Variants in PTPRN2 observed in about 807,000 individuals in gnomAD.
The protein encoded by PTPRN2 is receptor-type tyrosine-protein phosphatase N2.
In PTPRN2, 74 loss-of-function variants were observed where a neutral mutation model predicts 118.8. The observed-to-expected ratio is 0.62, with a 90% CI of 0.52 to 0.76. The LOEUF is 0.76. Ranked by LOEUF, PTPRN2 falls within the 30% of genes least tolerant of loss-of-function variation. PTPRN2 has a pLI of 0.00. For missense variants in PTPRN2, 1,481 were observed against 1,394.4 expected (o/e 1.06, Z -0.99); for synonymous variants, 641 against 608.0 (o/e 1.05, Z -0.80).
Position 157,961,365 on chromosome 7 carries a change from C to T in PTPRN2, c.1724-62628G>A, listed in dbSNP as rs183543058. ...TGGCCAACAGGGTGAAGACCCATCT[C>T]TACTGAAAATCAAAAAAATTAGCTG... On this transcript the variant is annotated intron_variant, in intron 11 of 22. Transcript: ENST00000389418. 2.0e-4 allele frequency among the ~76,000 whole-genome samples: 30 copies of T among 152,162 alleles called. 2 individuals are homozygous for T. In the East Asian group the frequency reaches 4.3e-3, roughly 22 times the overall value.
intron 11 of PTPRN2, among the ~76,000 whole-genome samples, chr7:158,045,320 TA>T (rs945387687): frequency 3.3e-5 from 5 of 152,200 alleles, no homozygotes; most frequent in African/African-American, 9.7e-5. Flanking sequence ...AATTTTTTAT[TA>T]AAAAAGTAAT....
intron 2 of PTPRN2, among the ~76,000 whole-genome samples, chr7:158,374,477 G>A (rs1011938385): frequency 3.3e-5 from 5 of 152,204 alleles, no homozygotes; most frequent in Admixed American, 6.5e-5. Context: ...ACACTAGCCC[G>A]AGAGAAACAA....
intron 5 of PTPRN2, among the ~76,000 whole-genome samples, chr7:158,186,103 C>T (rs1215554418): frequency 6.6e-6 from 1 of 152,216 alleles, no homozygotes; most frequent in Admixed American, 6.5e-5. Flanking sequence ...TCGCTTTGCA[C>T]AGCCTGTCTC....
intron 2 of PTPRN2, among the ~76,000 whole-genome samples, chr7:158,454,808 T>G (rs1433175740): frequency 6.6e-6 from 1 of 152,174 alleles, no homozygotes; most frequent in Non-Finnish European, 1.5e-5. Flanking sequence ...GAGCCTCTTT[T>G]GGCCACTCTG....
At chr7:158,144,982 G>T in intron 6 of PTPRN2, among the ~76,000 whole-genome samples, 1 of 143,766 alleles carries the variant, frequency 7.0e-6, no homozygotes, top group Non-Finnish European at 1.5e-5. Flanking sequence ...GAAGGTTCCA[G>T]AATACCACGG....
At position 158,316,912 on chromosome 7, in the gene PTPRN2, G is replaced by C; in HGVS notation, c.184C>G (p.Gln62Glu). Residue 62 changes from glutamine to glutamate, a missense_variant, in exon 3 of 23, where the codon CAG (glutamine) becomes GAG (glutamate). By Grantham distance (29) the Gln-to-Glu change is conservative. Around this residue, in one of 3 missense-constraint regions of PTPRN2, gnomAD observed 1,115 missense variants for 994.2 expected, o/e 1.12. Transcript: ENST00000389418. ...CVNDGVFGRC[Q>E]KVPAMDFYRY... ...TAAAAGTCCATTGCCGGAACCTTCT[G>C]GCACCTTCCAAACACTCCATCTGTG... 2 of 1,612,706 alleles carry C rather than the reference G, an allele frequency of 1.2e-6. No homozygotes were observed. The highest frequency in any genetic ancestry group is 1.3e-5 in the African/African-American group (1 of 75,058).
chr7:158,468,345 C>G (rs1405105700), intron 2 of PTPRN2, among the ~76,000 whole-genome samples: 2 of 152,222 alleles, frequency 1.3e-5, no homozygotes, highest in Non-Finnish European at 2.9e-5. Context: ...CAAAGCACAG[C>G]TGGCGTTTCA....
intron 6 of PTPRN2, among the ~76,000 whole-genome samples, chr7:158,157,648 C>A (rs1233769335): frequency 6.6e-6 from 1 of 152,258 alleles, no homozygotes; most frequent in Non-Finnish European, 1.5e-5. Context: ...CGCTGCCACC[C>A]CGCACTGGGC....
chr7:157,881,743 TAA>T lies in PTPRN2; in HGVS notation c.1788+16928_1788+16929del, dbSNP rs34531048. 4.2e-4 allele frequency among the ~76,000 whole-genome samples: 62 copies of T among 146,546 alleles called. 1 individual carries two copies. Among genetic ancestry groups the T allele is most frequent in the South Asian group, 8.7e-4 (4 of 4,620 alleles). ...TGTTCTTTTTGCTTTATGATCTCATTAAAAAAAAAAAAATAGATTGGCACTTC... is the reference window on the plus strand; with the variant it reads ...TGTTCTTTTTGCTTTATGATCTCATTAAAAAAAAAAATAGATTGGCACTTC... On this transcript the variant is annotated intron_variant, in intron 12 of 22. Coordinates refer to ENST00000389418, the MANE Select transcript of PTPRN2 (RefSeq NM_002847.5). This position sits in a 1 kb window ranked among gnomAD's most constrained non-coding sequence, Gnocchi z 4.7.
intron 14 of PTPRN2, among the ~76,000 whole-genome samples, chr7:157,634,515 G>A (rs1294782097): frequency 6.6e-6 from 1 of 152,190 alleles, no homozygotes; most frequent in African/African-American, 2.4e-5. Context: ...TGATGTGCTT[G>A]TCCACAGATG....
At chr7:157,593,543 T>C (rs373870124) in intron 17 of PTPRN2, among the ~76,000 whole-genome samples, 75 of 152,316 alleles carry the variant, frequency 4.9e-4, no homozygotes, top group African/African-American at 1.5e-3. Flanking sequence ...TCCAGTGGTA[T>C]TAGGACTCCG....
intron 11 of PTPRN2, among the ~76,000 whole-genome samples, chr7:157,908,120 C>T (rs1426859378): frequency 2.6e-5 from 4 of 152,224 alleles, no homozygotes; most frequent in Non-Finnish European, 5.9e-5. Context: ...GGCGTCTCCG[C>T]GTGGCCAGGT....
At chr7:157,967,561 T>C (rs966277631) in intron 11 of PTPRN2, among the ~76,000 whole-genome samples, 1 of 152,122 alleles carries the variant, frequency 6.6e-6, no homozygotes, top group African/African-American at 2.4e-5. Flanking sequence ...GAAATCTGAC[T>C]GTGGGCTGAG....
At chr7:158,179,460 A>G (rs1296360207) in intron 5 of PTPRN2, among the ~76,000 whole-genome samples, 1 of 151,968 alleles carries the variant, frequency 6.6e-6, no homozygotes, top group Non-Finnish European at 1.5e-5. Context: ...TTTTCTGATA[A>G]TTTCTTTTGC....
chr7:158,197,754 A>C (rs1211493621), intron 4 of PTPRN2, among the ~76,000 whole-genome samples: 1 of 152,198 alleles, frequency 6.6e-6, no homozygotes, highest in African/African-American at 2.4e-5. Flanking sequence ...GCAAAGGGGA[A>C]AGAGTCCCTT....
intron 12 of PTPRN2, among the ~76,000 whole-genome samples, chr7:157,772,304 C>T (rs1390565277): frequency 1.4e-5 from 2 of 144,792 alleles, no homozygotes; most frequent in Non-Finnish European, 3.0e-5. Flanking sequence ...CACAGACATA[C>T]AGACACACAT....
chr7:158,558,563 A>G (rs991474568), intron 1 of PTPRN2, among the ~76,000 whole-genome samples: 3 of 152,070 alleles, frequency 2.0e-5, no homozygotes, highest in Admixed American at 6.5e-5. Context: ...CCTCCAGCCA[A>G]TATTTCCAGG....
At chr7:157,567,478 C>A (rs1214005417) in intron 21 of PTPRN2, among the ~76,000 whole-genome samples, 8 of 151,946 alleles carry the variant, frequency 5.3e-5, no homozygotes, top group Admixed American at 4.6e-4. Flanking sequence ...CTTGCCCAGG[C>A]TCTCCAGTCC....
rs112064977 is a variant in PTPRN2 at position 157,772,308 on chromosome 7, C to CATACACACAGACATACAG, written c.1789-89372_1789-89371insCTGTATGTCTGTGTGTAT. On this transcript the variant is annotated intron_variant, in intron 12 of 22. Transcript: ENST00000389418. ...ACACACAAACACACAGACATACAGA[C>CATACACACAGACATACAG]ACACATAGACACAGACACACACATA... 1.3e-3 allele frequency among the ~76,000 whole-genome samples: 168 copies of CATACACACAGACATACAG among 130,720 alleles called. 1 individual carries two copies. Among genetic ancestry groups the CATACACACAGACATACAG allele is most frequent in the African/African-American group, 5.3e-3 (160 of 30,386 alleles). The allele number at this position is 130,720 out of a possible 152,430, so 85.8% of individuals were successfully genotyped here.
Sources: allele counts gnomAD v4.1 joint callset (sites outside exome capture counted in the v4.1 genomes callset), GRCh38; gene constraint gnomAD v4.1.1; regional missense constraint gnomAD v4.1.1; non-coding constraint Gnocchi (gnomAD v3.1); transcripts MANE v1.5; gene names NCBI Gene and HGNC (gene_info 2026-07-23, HGNC 2026-07-21).